The following PSME4 variants were observed in gnomAD, a reference collection of about 807,000 sequenced individuals.
PSME4 encodes the protein proteasome activator complex subunit 4.
A neutral mutation model predicts 253.9 loss-of-function variants in PSME4; 89 were observed. The ratio of observed to expected loss-of-function variants is 0.35; its 90% confidence interval spans 0.30 to 0.42. The LOEUF is 0.42. Ranked by LOEUF, PSME4 falls within the 10% of genes least tolerant of loss-of-function variation. The pLI is 1.00. For missense variants in PSME4, 2,014 were observed against 2,195.2 expected (o/e 0.92, Z 1.65); for synonymous variants, 851 against 759.2 (o/e 1.12, Z -1.99).
chr2:53,894,744 C>G (rs1165778245), intron 34 of PSME4, among the ~76,000 whole-genome samples: 1 of 152,122 alleles, frequency 6.6e-6, no homozygotes, highest in East Asian at 1.9e-4. Context: ...AAATGAGCAG[C>G]AAATTACATA....
At chr2:53,919,649 A>G (rs1009039993) in intron 19 of PSME4, among the ~76,000 whole-genome samples, 1 of 152,206 alleles carries the variant, frequency 6.6e-6, no homozygotes, top group South Asian at 2.1e-4. Flanking sequence ...GACAGAGTTG[A>G]TGTTAGTCAG....
At chr2:53,946,139 C>G (rs1485637247) in intron 3 of PSME4, among the ~76,000 whole-genome samples, 1 of 152,062 alleles carries the variant, frequency 6.6e-6, no homozygotes, top group Non-Finnish European at 1.5e-5. Flanking sequence ...AGAGGAAAGC[C>G]ATAGATACTT....
chr2:53,911,429 T>A (rs913592502), intron 20 of PSME4, among the ~76,000 whole-genome samples: 10 of 152,188 alleles, frequency 6.6e-5, no homozygotes, highest in African/African-American at 2.2e-4. Context: ...TAAATATTTT[T>A]GCATGATCAA....
At chr2:53,947,811 T>C (rs988096195) in intron 3 of PSME4, among the ~76,000 whole-genome samples, 6 of 151,540 alleles carry the variant, frequency 4.0e-5, no homozygotes, top group Non-Finnish European at 8.8e-5. Context: ...AGGTCAGGAG[T>C]TCGAGACCAG....
chr2:53,923,555 A>G (rs1357201090), intron 14 of PSME4, 136 bp from the exon 15 acceptor site: 1 of 1,212,236 alleles, frequency 8.2e-7, no homozygotes, highest in Non-Finnish European at 1.1e-6. Flanking sequence ...ATCTGATTTT[A>G]TAAGAATTTG....
At chr2:53,871,753 G>T (rs959673337) in intron 43 of PSME4, among the ~76,000 whole-genome samples, 17 of 152,002 alleles carry the variant, frequency 1.1e-4, no homozygotes, top group African/African-American at 4.1e-4. Context: ...GGTGGCTCAC[G>T]CCTGTATCCT....
At chr2:53,910,455 G>A (rs1384711698) in intron 20 of PSME4, among the ~76,000 whole-genome samples, 1 of 151,988 alleles carries the variant, frequency 6.6e-6, no homozygotes, top group Non-Finnish European at 1.5e-5. Flanking sequence ...CTTAATAATG[G>A]CACAACAGTT....
intron 37 of PSME4, 68 bp downstream of exon 37, chr2:53,890,036 A>C: frequency 5.0e-6 from 6 of 1,197,190 alleles, no homozygotes; most frequent in Non-Finnish European, 6.1e-6. Context: ...GATTTCACAC[A>C]CTTTGAGAGA....
chr2:53,927,906 C>T (rs182353111), intron 11 of PSME4, among the ~76,000 whole-genome samples: 121 of 152,204 alleles, frequency 7.9e-4, no homozygotes, highest in Non-Finnish European at 1.2e-3. Context: ...GCCGAGGTCG[C>T]GCCACTGCAC....
At chr2:53,935,500 T>C (rs755731218) in intron 7 of PSME4, among the ~76,000 whole-genome samples, 2 of 152,176 alleles carry the variant, frequency 1.3e-5, no homozygotes, top group Non-Finnish European at 2.9e-5. Flanking sequence ...GAAATAGTAC[T>C]GAAGACACAC....
intron 1 of PSME4, among the ~76,000 whole-genome samples, chr2:53,965,671 T>G (rs1670694160): frequency 5.2e-5 from 2 of 38,798 alleles, no homozygotes; most frequent in Non-Finnish European, 1.1e-4. Context: ...TGTTTTTTTG[T>G]TTTTTTTTTT....
At chr2:53,931,523 A>C (rs527342619) in intron 10 of PSME4, among the ~76,000 whole-genome samples, 3 of 152,352 alleles carry the variant, frequency 2.0e-5, no homozygotes, top group South Asian at 2.1e-4. Flanking sequence ...CCATATTCTC[A>C]ATCCTTAGTG....
intron 3 of PSME4, among the ~76,000 whole-genome samples, chr2:53,947,991 G>C (rs772059262): frequency 6.6e-6 from 1 of 152,170 alleles, no homozygotes; most frequent in Non-Finnish European, 1.5e-5. Context: ...ACTCCAGCCT[G>C]AGCGTCAGAG....
intron 1 of PSME4, among the ~76,000 whole-genome samples, chr2:53,953,496 A>G (rs1260457656): frequency 6.6e-6 from 1 of 150,954 alleles, no homozygotes; most frequent in African/African-American, 2.4e-5. Flanking sequence ...TTAAAAAAAA[A>G]AAAAAAAAAA....
At chr2:53,869,791 A>G (rs1678779451) in intron 43 of PSME4, 1 of 267,686 alleles carries the variant, frequency 3.7e-6, no homozygotes, top group Non-Finnish European at 7.0e-6. Flanking sequence ...AAATTTCTCC[A>G]TAAATTATTT....
At chr2:53,969,601 T>C (rs968393473) in intron 1 of PSME4, among the ~76,000 whole-genome samples, 3 of 152,124 alleles carry the variant, frequency 2.0e-5, no homozygotes, top group Non-Finnish European at 4.4e-5. Context: ...ACAGCAAAAT[T>C]CTTTCTTAAA....
rs1193886758 is a variant in PSME4, at chr2:53,865,890, C to G, written c.*4+195G>C. Reference sequence around the variant, plus strand: ...AGTCACACATTTTCTCTGCTTTAAACCTAAAGCAAGGAGGCACAGCAAAAT... The same window carrying G: ...AGTCACACATTTTCTCTGCTTTAAAGCTAAAGCAAGGAGGCACAGCAAAAT... On this transcript the variant is annotated intron_variant, in intron 46 of 46. Coordinates refer to ENST00000404125, the MANE Select transcript of PSME4 (RefSeq NM_014614.3). The G allele has an allele frequency of 6.7e-6, 4 of 598,316 alleles. No individual in the cohort carries two copies. In the African/African-American group the frequency reaches 7.6e-5, roughly 11 times the overall value. The allele number at this position is 598,316 out of a possible 1,614,324, so 37.1% of individuals were successfully genotyped here.
rs1678584888 is a variant in PSME4, at chr2:53,866,784, T to C, written c.5360A>G (p.Asn1787Ser). 4 of 1,613,804 alleles carry C rather than the reference T, an allele frequency of 2.5e-6. No homozygotes were observed. In the East Asian group the frequency reaches 8.9e-5, roughly 36 times the overall value. ...VPTWMPQLLMNLSAHLNDPQP... is the reference protein window; with the variant it reads ...VPTWMPQLLMSLSAHLNDPQP... Reference sequence around the variant, plus strand: ...AGGATCATTTAGATGTGCACTGAGATTCATGAGGAGCTGGGGCATCCAGGT... The same window carrying C: ...AGGATCATTTAGATGTGCACTGAGACTCATGAGGAGCTGGGGCATCCAGGT... The change falls in exon 45 of 47, where the codon AAT becomes AGT. Residue 1787 changes from asparagine (N) to serine (S), a missense_variant. Physicochemically the swap from Asn to Ser is conservative, Grantham distance 46. Transcript: ENST00000404125.
intron 1 of PSME4, among the ~76,000 whole-genome samples, chr2:53,961,135 G>A (rs542823143): frequency 6.6e-6 from 1 of 152,198 alleles, no homozygotes; most frequent in Non-Finnish European, 1.5e-5. Context: ...AATGTTAAGT[G>A]TAAACCAAAT....
Sources: allele counts gnomAD v4.1 joint callset (sites outside exome capture counted in the v4.1 genomes callset), GRCh38; gene constraint gnomAD v4.1.1; transcripts MANE v1.5; gene names NCBI Gene and HGNC (gene_info 2026-07-23, HGNC 2026-07-21).